Variants in CTNNA3 observed in about 807,000 individuals in gnomAD.
CTNNA3 encodes catenin alpha-3.
CTNNA3 carries 76 observed loss-of-function variants against 95.7 expected under a neutral mutation model. That is an observed-to-expected ratio of 0.79 (90% CI 0.66 to 0.96). The LOEUF (loss-of-function observed/expected upper bound fraction) is 0.96, where lower values mean the gene tolerates loss of function less well. Among genes scored for constraint, CTNNA3 ranks in the 40% least tolerant of loss-of-function variants. The pLI is 0.00. For synonymous variants in CTNNA3, 431 were observed against 374.4 expected, an observed-to-expected ratio of 1.15 and a Z score of -1.74; for missense variants, 1,191 against 1,089.8, an observed-to-expected ratio of 1.09 and a Z score of -1.31.
intron 16 of CTNNA3, among the ~76,000 whole-genome samples, chr10:65,968,049 A>G (rs1293381497): frequency 6.6e-6 from 1 of 152,188 alleles, no homozygotes; most frequent in Non-Finnish European, 1.5e-5. Flanking sequence ...AAAAAAATCA[A>G]TATGTAAATA....
rs74439521 is a variant in CTNNA3 at position 67,155,674 on chromosome 10, C to T, written c.1047+24643G>A. 0.01 allele frequency among the ~76,000 whole-genome samples: 1,528 copies of T among 152,056 alleles called. 74 individuals carry two copies. The East Asian group carries it at 0.14, about 14-fold the overall frequency. On this transcript the variant is annotated intron_variant, in intron 7 of 17. Coordinates refer to ENST00000433211, the MANE Select transcript of CTNNA3 (RefSeq NM_013266.4). ...AATTGTTTTATCCATGATTGGCTTC[C>T]ATCTTCTTTATCAGTACTTTTTTTC...
intron 5 of CTNNA3, among the ~76,000 whole-genome samples, chr10:67,246,855 T>C (rs567702247): frequency 2.0e-5 from 3 of 152,208 alleles, no homozygotes; most frequent in African/African-American, 7.2e-5. Context: ...GCAAGGAAAA[T>C]GGCAGGACCT....
intron 1 of CTNNA3, among the ~76,000 whole-genome samples, chr10:67,649,196 A>G (rs1839807679): frequency 6.6e-6 from 1 of 152,260 alleles, no homozygotes; most frequent in Admixed American, 6.5e-5. Context: ...TCTGAAGGAC[A>G]AAAGTAGAGG....
chr10:66,390,822 A>T (rs1394698679), intron 11 of CTNNA3, among the ~76,000 whole-genome samples: 3 of 152,120 alleles, frequency 2.0e-5, no homozygotes, highest in African/African-American at 7.2e-5. Flanking sequence ...GATCTAAGCA[A>T]AAACTAGCTT....
At chr10:67,300,149 T>C (rs1161727499) in intron 5 of CTNNA3, among the ~76,000 whole-genome samples, 1 of 152,174 alleles carries the variant, frequency 6.6e-6, no homozygotes, top group African/African-American at 2.4e-5. Context: ...AACATAAGTC[T>C]GACACACAGT....
At chr10:66,020,647 A>G (rs1477541535) in intron 15 of CTNNA3, among the ~76,000 whole-genome samples, 1 of 151,374 alleles carries the variant, frequency 6.6e-6, no homozygotes, top group Non-Finnish European at 1.5e-5. Context: ...CTTGAAGCCT[A>G]AACACTTGCT....
At chr10:67,215,659 C>T (rs910669639) in intron 6 of CTNNA3, among the ~76,000 whole-genome samples, 1 of 152,154 alleles carries the variant, frequency 6.6e-6, no homozygotes, top group Non-Finnish European at 1.5e-5. Context: ...CTGAGCTTCC[C>T]AGAGCCAAGG....
intron 7 of CTNNA3, chr10:67,177,038 A>G (rs905630858): frequency 4.4e-6 from 2 of 457,894 alleles, no homozygotes; most frequent in South Asian, 3.1e-5. Flanking sequence ...GTAATTTGTT[A>G]CAGCAGCAAT....
rs76256809 is a variant in CTNNA3, at chr10:65,942,052, C to T, written c.2401-21435G>A. On this transcript the variant is annotated intron_variant, in intron 17 of 17. Coordinates refer to ENST00000433211, the MANE Select transcript of CTNNA3 (RefSeq NM_013266.4). ...TGGTATATTTAAAATATATGTTTCA[C>T]AAGGGTGTTTACTCAAAGGAGTACA... 4.4e-4 allele frequency among the ~76,000 whole-genome samples: 67 copies of T among 152,234 alleles called. 1 individual carries two copies. In the East Asian group the frequency reaches 6.4e-3, roughly 14 times the overall value.
chr10:67,455,222 A>G (rs543243296), intron 5 of CTNNA3, among the ~76,000 whole-genome samples: 1 of 152,274 alleles, frequency 6.6e-6, no homozygotes, highest in Admixed American at 6.5e-5. Context: ...GGCATCTTAG[A>G]TACAATAAAA....
chr10:67,112,200 T>C (rs1408988232), intron 7 of CTNNA3, among the ~76,000 whole-genome samples: 1 of 152,204 alleles, frequency 6.6e-6, no homozygotes, highest in Non-Finnish European at 1.5e-5. Flanking sequence ...GTTATAACTG[T>C]CTTATTTTAT....
At chr10:66,754,658 AG>A (rs1039858572) in intron 9 of CTNNA3, among the ~76,000 whole-genome samples, 1 of 152,122 alleles carries the variant, frequency 6.6e-6, no homozygotes, top group African/African-American at 2.4e-5. Context: ...AAATGGGCAA[AG>A]GATCCAAATA....
At chr10:65,925,305 C>T (rs930215190) in intron 17 of CTNNA3, among the ~76,000 whole-genome samples, 1 of 152,124 alleles carries the variant, frequency 6.6e-6, no homozygotes, top group Non-Finnish European at 1.5e-5. Flanking sequence ...AAAATCGAAA[C>T]AGTAAAAATG....
At chr10:67,453,627 A>G (rs1490025906) in intron 5 of CTNNA3, among the ~76,000 whole-genome samples, 2 of 152,208 alleles carry the variant, frequency 1.3e-5, no homozygotes, top group Admixed American at 6.5e-5. Context: ...TGGAAAAGAA[A>G]AGAAAACAAG....
intron 9 of CTNNA3, among the ~76,000 whole-genome samples, chr10:66,759,086 T>C (rs1839493061): frequency 1.3e-5 from 2 of 152,144 alleles, no homozygotes; most frequent in Non-Finnish European, 2.9e-5. Context: ...CAACAACATA[T>C]ACATTTGAAA....
chr10:67,701,560 C>T (rs1307296607), intron 1 of CTNNA3, among the ~76,000 whole-genome samples: 1 of 152,164 alleles, frequency 6.6e-6, no homozygotes, highest in South Asian at 2.1e-4. Flanking sequence ...AAATACTTTA[C>T]AGACAAGCAA....
At chr10:66,249,077 C>T (rs2090447340) in intron 13 of CTNNA3, among the ~76,000 whole-genome samples, 1 of 152,078 alleles carries the variant, frequency 6.6e-6, no homozygotes, top group Non-Finnish European at 1.5e-5. Context: ...ATAAATGGTG[C>T]TGAGAAAACT....
intron 7 of CTNNA3, among the ~76,000 whole-genome samples, chr10:67,120,764 A>G (rs1337791089): frequency 6.6e-6 from 1 of 152,068 alleles, no homozygotes; most frequent in Non-Finnish European, 1.5e-5. Context: ...AGATTCCCTT[A>G]CCGTACAAAG....
At chr10:66,141,148 G>A (rs780249833) in intron 13 of CTNNA3, among the ~76,000 whole-genome samples, 15 of 151,760 alleles carry the variant, frequency 9.9e-5, no homozygotes, top group Non-Finnish European at 1.2e-4. Flanking sequence ...AATCCCAGCT[G>A]CTCAGGAGGC....
Sources: gnomAD v4.1 joint callset for allele counts (sites outside exome capture counted in the v4.1 genomes callset) on GRCh38, gnomAD v4.1.1 for gene constraint, MANE v1.5 for transcripts, NCBI Gene and HGNC (gene_info 2026-07-23, HGNC 2026-07-21) for gene names.